Variants in EPB41 observed in about 807,000 individuals in gnomAD.
EPB41 encodes the protein erythrocyte membrane protein band 4.1, also known as protein 4.1.
In EPB41, 65 loss-of-function variants were observed where a neutral mutation model predicts 108.0. The ratio of observed to expected loss-of-function variants is 0.60; its 90% confidence interval spans 0.49 to 0.74. The LOEUF (loss-of-function observed/expected upper bound fraction) is 0.74. Among genes scored for constraint, EPB41 ranks in the 30% least tolerant of loss-of-function variants. The pLI, the probability that EPB41 is intolerant of heterozygous loss-of-function variation, is 0.00. For missense variants in EPB41, 875 were observed against 1,037.0 expected (o/e 0.84, Z 2.15); for synonymous variants, 336 against 358.9 (o/e 0.94, Z 0.72).
At chr1:28,931,921 A>C (rs2093770393) in intron 1 of EPB41, among the ~76,000 whole-genome samples, 1 of 152,164 alleles carries the variant, frequency 6.6e-6, no homozygotes, top group South Asian at 2.1e-4. Context: ...GGCCAGTACA[A>C]ATGAGGGCCC....
Position 29,113,095 on chromosome 1 carries a change from C to G in EPB41, c.2496+647C>G, listed in dbSNP as rs538476540. ...CTTTCCTAAAAGAGAGTGGGTTGAT[C>G]TAGATAATTTCTGGGCCTGAGTGCT... On this transcript the variant is annotated intron_variant, in intron 19 of 20. Transcript: ENST00000343067. Among the ~76,000 whole-genome samples the G allele has an allele frequency of 2.0e-5, 3 of 152,238 alleles. No individual in the cohort carries two copies. In the South Asian group the frequency reaches 6.2e-4, roughly 32 times the overall value.
At chr1:28,927,902 G>A (rs1052117473) in intron 1 of EPB41, among the ~76,000 whole-genome samples, 1 of 152,124 alleles carries the variant, frequency 6.6e-6, no homozygotes, top group African/African-American at 2.4e-5. Context: ...ACATGGGGTG[G>A]AGTAATTGGA....
intron 16 of EPB41, chr1:29,070,298 A>G (rs1650718143): frequency 1.8e-6 from 2 of 1,123,094 alleles, no homozygotes; most frequent in South Asian, 9.3e-5. Context: ...ATCATTTTTG[A>G]GCATTTTCCA....
At chr1:29,113,189 C>T (rs973853218) in intron 19 of EPB41, among the ~76,000 whole-genome samples, 1 of 152,024 alleles carries the variant, frequency 6.6e-6, no homozygotes, top group African/African-American at 2.4e-5. Context: ...ATAATAAGGT[C>T]AGGATTAATG....
intron 1 of EPB41, among the ~76,000 whole-genome samples, chr1:28,967,532 T>A (rs4275422): frequency 6.6e-6 from 1 of 152,146 alleles, no homozygotes; most frequent in African/African-American, 2.4e-5. Context: ...TCTGTTTTTC[T>A]CTCAAGCTGT....
upstream of EPB41, among the ~76,000 whole-genome samples, chr1:28,909,706 G>A (rs534911051): frequency 4.6e-5 from 7 of 152,138 alleles, no homozygotes; most frequent in Admixed American, 2.0e-4. Flanking sequence ...AGGCTGAGGA[G>A]GCAGGATTGC....
chr1:29,114,333 T>A (rs1418967269), intron 19 of EPB41, among the ~76,000 whole-genome samples: 1 of 152,188 alleles, frequency 6.6e-6, no homozygotes, highest in Non-Finnish European at 1.5e-5. Context: ...GAAAGTCTGA[T>A]CGACTTGAGT....
intron 16 of EPB41, among the ~76,000 whole-genome samples, chr1:29,088,204 G>A (rs957157534): frequency 1.3e-5 from 2 of 151,730 alleles, no homozygotes; most frequent in African/African-American, 2.4e-5. Flanking sequence ...GCGCTACCAC[G>A]CCTGGCTAAT....
intron 4 of EPB41, among the ~76,000 whole-genome samples, chr1:29,009,942 G>C (rs910795489): frequency 3.3e-5 from 5 of 152,138 alleles, no homozygotes; most frequent in East Asian, 3.8e-4. Context: ...TTAAAATGTG[G>C]TGTTCAAGCC....
chr1:28,982,068 C>T (rs1257309341), intron 1 of EPB41, among the ~76,000 whole-genome samples: 3 of 151,760 alleles, frequency 2.0e-5, no homozygotes, highest in East Asian at 1.9e-4. Flanking sequence ...CGACAGTCCC[C>T]GGTGTGTGAT....
chr1:29,074,656 A>C (rs1653079526), intron 16 of EPB41, among the ~76,000 whole-genome samples: 1 of 152,250 alleles, frequency 6.6e-6, no homozygotes, highest in Non-Finnish European at 1.5e-5. Flanking sequence ...GAGGAAGAGC[A>C]GTGGCTATGA....
chr1:28,902,883 G>T (rs954653982), intron 1 of EPB41, among the ~76,000 whole-genome samples: 2 of 152,126 alleles, frequency 1.3e-5, no homozygotes, highest in Non-Finnish European at 2.9e-5. Flanking sequence ...GTCAAACAGA[G>T]ATAAAGACGC....
intron 1 of EPB41, among the ~76,000 whole-genome samples, chr1:28,892,387 A>G (rs116275355): frequency 0.015 from 2,303 of 152,246 alleles, 24 homozygotes; most frequent in Non-Finnish European, 0.02. Context: ...GTGGATACTA[A>G]TATTATCTCC....
At chr1:28,938,912 A>C (rs2094163397) in intron 1 of EPB41, among the ~76,000 whole-genome samples, 1 of 152,192 alleles carries the variant, frequency 6.6e-6, no homozygotes, top group South Asian at 2.1e-4. Context: ...TTACAAGATT[A>C]TGTCATCTGC....
intron 14 of EPB41, 91 bp downstream of exon 14, chr1:29,058,943 A>C: frequency 8.5e-7 from 1 of 1,177,780 alleles, no homozygotes; most frequent in Non-Finnish European, 1.2e-6. Flanking sequence ...CATTCTTTTC[A>C]TTGATTTCTT....
intron 1 of EPB41, among the ~76,000 whole-genome samples, chr1:28,953,290 T>G (rs1477293052): frequency 6.6e-6 from 1 of 150,782 alleles, no homozygotes; most frequent in Non-Finnish European, 1.5e-5. Flanking sequence ...CATGGTAGAG[T>G]TTAATAGGTT....
intron 16 of EPB41, among the ~76,000 whole-genome samples, chr1:29,080,019 A>G (rs1655810734): frequency 6.6e-6 from 1 of 151,994 alleles, no homozygotes; most frequent in African/African-American, 2.4e-5. Context: ...AAAAATATAT[A>G]TTTCTCTGAG....
chr1:28,897,226 G>A (rs1205828849), intron 1 of EPB41, among the ~76,000 whole-genome samples: 2 of 152,022 alleles, frequency 1.3e-5, no homozygotes, highest in East Asian at 3.9e-4. Context: ...CTGGGTTCTA[G>A]ACCTACCAGT....
chr1:28,989,762 C>T (rs1396684849), intron 2 of EPB41, among the ~76,000 whole-genome samples: 1 of 152,104 alleles, frequency 6.6e-6, no homozygotes, highest in African/African-American at 2.4e-5. Flanking sequence ...GTTTCCTCCT[C>T]TGTACAATGG....
Sources: gnomAD v4.1 joint callset for allele counts (sites outside exome capture counted in the v4.1 genomes callset) on GRCh38, gnomAD v4.1.1 for gene constraint, MANE v1.5 for transcripts, NCBI Gene and HGNC (gene_info 2026-07-23, HGNC 2026-07-21) for gene names.